The following PLPP4 variants were observed in gnomAD, a reference collection of about 807,000 sequenced individuals.
PLPP4 encodes diacylglycerol pyrophosphate like 2.
PLPP4 carries 20 observed loss-of-function variants against 32.2 expected under a neutral mutation model. The observed-to-expected ratio is 0.62, with a 90% CI of 0.44 to 0.90. The LOEUF is 0.90. Among genes scored for constraint, PLPP4 ranks in the 40% least tolerant of loss-of-function variants. The probability of loss-of-function intolerance (pLI) is 0.00; values close to 1 mark genes in which losing one functional copy is unlikely to be tolerated. For missense variants in PLPP4, 257 were observed against 353.1 expected, an observed-to-expected ratio of 0.73 and a Z score of 2.18; for synonymous variants, 127 against 133.0, an observed-to-expected ratio of 0.95 and a Z score of 0.31.
chr10:120,581,166 C>T (rs1849493028), intron 6 of PLPP4: 1 of 985,340 alleles, frequency 1.0e-6, no homozygotes, highest in Non-Finnish European at 1.2e-6. Flanking sequence ...TGGTGTTTCC[C>T]CGTGATGTAA....
At chr10:120,489,742 TA>T (rs927145941) in intron 1 of PLPP4, among the ~76,000 whole-genome samples, 219 of 150,204 alleles carry the variant, frequency 1.5e-3, no homozygotes, top group African/African-American at 4.7e-3. Context: ...GAGTTACATT[TA>T]AAAAAAAAAA....
Position 120,509,859 on chromosome 10 carries a change from T to G in PLPP4, c.166-4052T>G. On this transcript the variant is annotated intron_variant, in intron 2 of 6. Transcript: ENST00000398250. ...TGGAAACAAGCCTCCTTACCTTTCT[T>G]TTTTAACTTGGAAAAAAAGCATGCA... Among the ~76,000 whole-genome samples the G allele has an allele frequency of 1.3e-5, 2 of 152,220 alleles. 1 individual carries two copies. The highest frequency in any genetic ancestry group is 2.9e-5 in the Non-Finnish European group (2 of 68,042).
Position 120,570,299 on chromosome 10 carries a change from T to C in PLPP4, c.446-4832T>C, listed in dbSNP as rs377227214. Reference sequence around the variant, plus strand: ...AAATGGTCTTCTGGAGATGCACTTATATCCTCTGCAAAACACCCTTCCACA... The same window carrying C: ...AAATGGTCTTCTGGAGATGCACTTACATCCTCTGCAAAACACCCTTCCACA... On this transcript the variant is annotated intron_variant, in intron 5 of 6. Coordinates refer to ENST00000398250, the MANE Select transcript of PLPP4 (RefSeq NM_001030059.3). Among the ~76,000 whole-genome samples, 101 of 152,200 alleles carry C rather than the reference T, an allele frequency of 6.6e-4. 1 individual carries two copies. Among genetic ancestry groups the C allele is most frequent in the African/African-American group, 2.3e-3 (94 of 41,542 alleles).
Position 120,531,930 on chromosome 10 carries a change from C to A in PLPP4, c.445+10835C>A, listed in dbSNP as rs142591119. 1.6e-3 allele frequency among the ~76,000 whole-genome samples: 245 copies of A among 151,408 alleles called. 1 individual carries two copies. Among genetic ancestry groups the A allele is most frequent in the Middle Eastern group, 3.4e-3 (1 of 290 alleles). Reference sequence around the variant, plus strand: ...TATATACACACATACATATTTTATACTTTTAAGTTCTGGGATACATGTGCA... The same window carrying A: ...TATATACACACATACATATTTTATAATTTTAAGTTCTGGGATACATGTGCA... On this transcript the variant is annotated intron_variant, in intron 5 of 6. Transcript: ENST00000398250.
chr10:120,503,724 C>A, intron 1 of PLPP4, 94 bp from the exon 2 acceptor site: 1 of 1,592,850 alleles, frequency 6.3e-7, no homozygotes, highest in Non-Finnish European at 8.6e-7. Flanking sequence ...GGCTGGATTC[C>A]CACCCTGAGG....
intron 5 of PLPP4, among the ~76,000 whole-genome samples, chr10:120,543,140 C>T (rs1387938904): frequency 1.3e-5 from 2 of 152,180 alleles, no homozygotes; most frequent in Non-Finnish European, 2.9e-5. Context: ...GCACTTGAGA[C>T]CTGCCTGCCA....
intron 5 of PLPP4, among the ~76,000 whole-genome samples, chr10:120,541,463 A>G (rs1189053146): frequency 2.0e-5 from 3 of 152,208 alleles, no homozygotes; most frequent in Non-Finnish European, 2.9e-5. Flanking sequence ...GTCTAATGCA[A>G]CACTAGAGGA....
Position 120,588,322 on chromosome 10 carries a change from G to A in PLPP4, c.617-981G>A, listed in dbSNP as rs544980479. Among the ~76,000 whole-genome samples, 254 of 152,310 alleles carry A rather than the reference G, an allele frequency of 1.7e-3. 3 individuals are homozygous for A. The highest frequency in any genetic ancestry group is 5.9e-3 in the African/African-American group (245 of 41,580). On this transcript the variant is annotated intron_variant, in intron 6 of 6. Coordinates refer to ENST00000398250, the MANE Select transcript of PLPP4 (RefSeq NM_001030059.3). ...TTCTCTTTGGCAGGGGGCTGCCCTT[G>A]GGGCGGAGGGCTGGTATTCCCTGCA...
intron 5 of PLPP4, among the ~76,000 whole-genome samples, chr10:120,532,528 T>C (rs1204144107): frequency 6.6e-6 from 1 of 152,184 alleles, no homozygotes; most frequent in Non-Finnish European, 1.5e-5. Flanking sequence ...ATATTGTCTA[T>C]TGTATATTCA....
At chr10:120,580,258 G>T (rs1007428329) in intron 6 of PLPP4, among the ~76,000 whole-genome samples, 3 of 152,134 alleles carry the variant, frequency 2.0e-5, no homozygotes, top group Non-Finnish European at 4.4e-5. Flanking sequence ...TAAAATCTAG[G>T]GGAGGAATAA....
intron 5 of PLPP4, among the ~76,000 whole-genome samples, chr10:120,549,338 G>C (rs1847780043): frequency 6.6e-6 from 1 of 150,452 alleles, no homozygotes; most frequent in South Asian, 2.1e-4. Context: ...ATGGATACTA[G>C]ATGAAGGCGA....
intron 5 of PLPP4, among the ~76,000 whole-genome samples, chr10:120,528,996 A>AT (rs1162730445): frequency 1.3e-5 from 2 of 149,408 alleles, no homozygotes; most frequent in East Asian, 2.0e-4. Context: ...TTCCCTAATG[A>AT]TTTTTTCCCT....
intron 5 of PLPP4, among the ~76,000 whole-genome samples, chr10:120,541,943 A>G (rs1250494758): frequency 6.6e-6 from 1 of 152,032 alleles, no homozygotes; most frequent in East Asian, 1.9e-4. Context: ...TGCTCAGCTA[A>G]TTTTTTGTAT....
chr10:120,513,329 T>G (rs2133890201), intron 2 of PLPP4, among the ~76,000 whole-genome samples: 1 of 152,236 alleles, frequency 6.6e-6, no homozygotes, highest in Non-Finnish European at 1.5e-5. Flanking sequence ...CTGTAATGAG[T>G]GTTGGCTGCA....
intron 5 of PLPP4, among the ~76,000 whole-genome samples, chr10:120,551,309 A>T (rs1847892307): frequency 6.6e-6 from 1 of 152,200 alleles, no homozygotes; most frequent in African/African-American, 2.4e-5. Flanking sequence ...CCACTTTGTG[A>T]ATTGGTTGTC....
In PLPP4 at chr10:120,522,690, A is replaced by G. The variant is rs553835538; in HGVS notation, c.445+1595A>G. The stretch of plus-strand genomic sequence containing the variant: ...CCTGGAACGTGTGAGTGTGAACCTT[A>G]TTTGGAAAAAGTGTCTTGGTTGATA... On this transcript the variant is annotated intron_variant, in intron 5 of 6. Transcript: ENST00000398250. Among the ~76,000 whole-genome samples, 16 of 152,310 alleles carry G rather than the reference A, an allele frequency of 1.1e-4. No homozygotes were observed. In the East Asian group the frequency reaches 2.9e-3, roughly 28 times the overall value.
intron 1 of PLPP4, among the ~76,000 whole-genome samples, chr10:120,486,908 G>T (rs749566893): frequency 6.6e-6 from 1 of 152,158 alleles, no homozygotes. Flanking sequence ...CTCCTGCAGG[G>T]GTCCCAGGTG....
In PLPP4 at chr10:120,508,055, C is replaced by T. The variant is rs574454337; in HGVS notation, c.165+4129C>T. 2.5e-4 allele frequency among the ~76,000 whole-genome samples: 38 copies of T among 152,218 alleles called. No individual in the cohort carries two copies. The South Asian group carries it at 7.5e-3, about 30-fold the overall frequency. The stretch of plus-strand genomic sequence containing the variant: ...TCTTTGCCCTCTTCTCTTTTTGCTT[C>T]GACCGTGATATGTCCAGAAGATACA... On this transcript the variant is annotated intron_variant, in intron 2 of 6. Transcript: ENST00000398250.
At chr10:120,479,156 G>A (rs1274426412) in intron 1 of PLPP4, among the ~76,000 whole-genome samples, 1 of 152,152 alleles carries the variant, frequency 6.6e-6, no homozygotes, top group Non-Finnish European at 1.5e-5. Flanking sequence ...AACCCGGGAG[G>A]TAGAGCTTGC....
Sources: allele counts gnomAD v4.1 joint callset (sites outside exome capture counted in the v4.1 genomes callset), GRCh38; gene constraint gnomAD v4.1.1; transcripts MANE v1.5; gene names NCBI Gene and HGNC (gene_info 2026-07-23, HGNC 2026-07-21).